ULK4: variants seen among roughly 807,000 people sequenced by gnomAD.
The protein encoded by ULK4 is inactive serine/threonine-protein kinase ULK4.
A neutral mutation model predicts 160.6 loss-of-function variants in ULK4; 133 were observed. The ratio of observed to expected loss-of-function variants is 0.83; its 90% CI spans 0.72 to 0.96. The LOEUF is 0.96. Among genes scored for constraint, ULK4 ranks in the 40% least tolerant of loss-of-function variants. The probability of loss-of-function intolerance (pLI) is 0.00; values close to 1 mark genes in which losing one functional copy is unlikely to be tolerated. For missense variants in ULK4, 1,580 were observed against 1,499.5 expected, an observed-to-expected ratio of 1.05 and a Z score of -0.89; for synonymous variants, 534 against 539.8, an observed-to-expected ratio of 0.99 and a Z score of 0.15.
chr3:41,391,732 A>G (rs775065175), intron 35 of ULK4, among the ~76,000 whole-genome samples: 16 of 152,032 alleles, frequency 1.1e-4, no homozygotes, highest in East Asian at 3.9e-4. Flanking sequence ...GCCGATACCT[A>G]TATGAGAAAT....
intron 35 of ULK4, among the ~76,000 whole-genome samples, chr3:41,340,315 G>A (rs140551500): frequency 4.6e-4 from 70 of 152,342 alleles, no homozygotes; most frequent in African/African-American, 1.7e-3. Context: ...TTAAGGCCAA[G>A]CTAATGCAAA....
intron 17 of ULK4, among the ~76,000 whole-genome samples, chr3:41,874,717 G>A (rs1438260796): frequency 6.6e-6 from 1 of 152,104 alleles, no homozygotes; most frequent in South Asian, 2.1e-4. Flanking sequence ...AGTGAAGGAG[G>A]GGAGAGGGAT....
rs377742944 is a variant in ULK4 at position 41,491,941 on chromosome 3, C to T, written c.3227-28688G>A. ...GTTCCCCTTCCTGTGTCCATGTGTTCTCATTGTTCAATTCCCATCTATGAA... is the reference window on the plus strand; with the variant it reads ...GTTCCCCTTCCTGTGTCCATGTGTTTTCATTGTTCAATTCCCATCTATGAA... On this transcript the variant is annotated intron_variant, in intron 32 of 36. Coordinates refer to ENST00000301831, the MANE Select transcript of ULK4 (RefSeq NM_017886.4). Among the ~76,000 whole-genome samples the T allele has an allele frequency of 1.6e-4, 21 of 134,478 alleles. No homozygotes were observed. The East Asian group carries it at 2.3e-3, about 15-fold the overall frequency. 88.2% of individuals were successfully genotyped at this position (134,478 alleles called of 152,430 possible).
At chr3:41,836,535 C>G (rs1440669077) in intron 17 of ULK4, among the ~76,000 whole-genome samples, 2 of 152,082 alleles carry the variant, frequency 1.3e-5, no homozygotes, top group African/African-American at 4.8e-5. Flanking sequence ...AATTGCTGCC[C>G]TATCTTTAAA....
chr3:41,313,733 TG>T (rs1287670581), intron 35 of ULK4, among the ~76,000 whole-genome samples: 1 of 152,220 alleles, frequency 6.6e-6, no homozygotes, highest in Non-Finnish European at 1.5e-5. Context: ...AGTTCTATAG[TG>T]GTTTTAAAAC....
intron 8 of ULK4, among the ~76,000 whole-genome samples, chr3:41,915,716 T>C (rs1376191904): frequency 6.6e-6 from 1 of 152,152 alleles, no homozygotes; most frequent in Non-Finnish European, 1.5e-5. Flanking sequence ...AACTACTTAA[T>C]ACATGAAAAG....
At chr3:41,862,841 A>G (rs1449201105) in intron 17 of ULK4, among the ~76,000 whole-genome samples, 1 of 143,902 alleles carries the variant, frequency 6.9e-6, no homozygotes, top group Non-Finnish European at 1.5e-5. Flanking sequence ...TGAGCCACCT[A>G]AAGACTTGGG....
intron 32 of ULK4, among the ~76,000 whole-genome samples, chr3:41,510,894 G>A (rs2125923877): frequency 6.6e-6 from 1 of 152,266 alleles, no homozygotes; most frequent in East Asian, 1.9e-4. Context: ...GGGCGCAGTG[G>A]CTCATGCCTG....
chr3:41,489,618 T>A lies in ULK4; in HGVS notation c.3227-26365A>T, dbSNP rs1004095087. Among the ~76,000 whole-genome samples the A allele has an allele frequency of 2.0e-5, 3 of 152,284 alleles. No homozygotes were observed. The East Asian group carries it at 5.8e-4, about 29-fold the overall frequency. On this transcript the variant is annotated intron_variant, in intron 32 of 36. Coordinates refer to ENST00000301831, the MANE Select transcript of ULK4 (RefSeq NM_017886.4). ...TTAGATGCTTTCTCCCTAAGCTTCATCTGTCCAGGCACTATCTGCAAAGTC... is the reference window on the plus strand; with the variant it reads ...TTAGATGCTTTCTCCCTAAGCTTCAACTGTCCAGGCACTATCTGCAAAGTC...
chr3:41,388,399 T>A (rs2081873792), intron 35 of ULK4, among the ~76,000 whole-genome samples: 1 of 151,986 alleles, frequency 6.6e-6, no homozygotes, highest in Non-Finnish European at 1.5e-5. Context: ...TTTGTCAATT[T>A]TGGCTTTGGT....
chr3:41,433,874 C>T (rs1207392313), intron 34 of ULK4, among the ~76,000 whole-genome samples: 2 of 152,190 alleles, frequency 1.3e-5, no homozygotes, highest in South Asian at 4.1e-4. Flanking sequence ...CGCCCGCCAC[C>T]ACACCGGGCT....
At chr3:41,732,616 G>A (rs1487394765) in intron 22 of ULK4, among the ~76,000 whole-genome samples, 1 of 151,962 alleles carries the variant, frequency 6.6e-6, no homozygotes, top group African/African-American at 2.4e-5. Flanking sequence ...CCCACTATTG[G>A]GTATTTATCC....
chr3:41,510,050 A>T (rs2085516503), intron 32 of ULK4, among the ~76,000 whole-genome samples: 1 of 152,212 alleles, frequency 6.6e-6, no homozygotes. Context: ...AATGAATAAA[A>T]ATTCACCAAA....
At chr3:41,937,348 T>C (rs1353929478) in intron 3 of ULK4, 3 of 687,706 alleles carry the variant, frequency 4.4e-6, no homozygotes, top group East Asian at 2.7e-5. Context: ...GTCCTATTGA[T>C]TCAGAAAAAT....
chr3:41,876,572 C>A lies in ULK4; in HGVS notation c.1656+7302G>T, dbSNP rs1216207174. ...CTACCAATTCCATTCCTACACATAT[C>A]CAACAGAGAGCTTGCGCAAGTGCAT... On this transcript the variant is annotated intron_variant, in intron 17 of 36. Coordinates refer to ENST00000301831, the MANE Select transcript of ULK4 (RefSeq NM_017886.4). Among the ~76,000 whole-genome samples, 4 of 152,264 alleles carry A rather than the reference C, an allele frequency of 2.6e-5. No individual in the cohort carries two copies. In the East Asian group the frequency reaches 7.7e-4, roughly 29 times the overall value.
At chr3:41,524,899 C>T (rs2086060442) in intron 32 of ULK4, among the ~76,000 whole-genome samples, 2 of 152,066 alleles carry the variant, frequency 1.3e-5, no homozygotes, top group Non-Finnish European at 2.9e-5. Context: ...GATCGCGTCA[C>T]TGCACTCCAG....
chr3:41,935,943 G>T lies in ULK4; in HGVS notation c.239-3C>A. ...AATAACTGTTTTTAAGGAACCACCT[G>T]CAAGAGGTTGATTAAAATCACCCAT... On this transcript the variant is annotated splice_polypyrimidine_tract_variant and splice_region_variant and intron_variant, in intron 3 of 36. Coordinates refer to ENST00000301831, the MANE Select transcript of ULK4 (RefSeq NM_017886.4). 6.2e-7 allele frequency: 1 copy of T among 1,612,342 alleles called. No individual in the cohort carries two copies. Among genetic ancestry groups the T allele is most frequent in the Non-Finnish European group, 8.5e-7 (1 of 1,179,548 alleles).
At chr3:41,430,059 T>G (rs1256941300) in intron 34 of ULK4, among the ~76,000 whole-genome samples, 1 of 152,130 alleles carries the variant, frequency 6.6e-6, no homozygotes, top group South Asian at 2.1e-4. Flanking sequence ...TAATATAAGA[T>G]TAAGGTAAAG....
chr3:41,609,759 G>C (rs567017908), intron 31 of ULK4, among the ~76,000 whole-genome samples: 4 of 152,208 alleles, frequency 2.6e-5, no homozygotes, highest in South Asian at 4.1e-4. Context: ...TCAGCTTGAG[G>C]TCAGGAATTT....
Sources: gnomAD v4.1 joint callset for allele counts (sites outside exome capture counted in the v4.1 genomes callset) on GRCh38, gnomAD v4.1.1 for gene constraint, MANE v1.5 for transcripts, NCBI Gene and HGNC (gene_info 2026-07-23, HGNC 2026-07-21) for gene names.